The following CEP112 variants were observed in gnomAD, a reference collection of about 807,000 sequenced individuals.
The protein encoded by CEP112 is centrosomal protein 112, also known as centrosomal protein of 112 kDa.
CEP112 carries 127 observed loss-of-function variants against 153.0 expected under a neutral mutation model. That is an observed-to-expected ratio of 0.83 (90% confidence interval 0.72 to 0.96). The LOEUF (loss-of-function observed/expected upper bound fraction) is 0.96, where lower values mean the gene tolerates loss of function less well. Among genes scored for constraint, CEP112 ranks in the 40% least tolerant of loss-of-function variants. CEP112 has a pLI of 0.00. For synonymous variants in CEP112, 358 were observed against 374.4 expected, an observed-to-expected ratio of 0.96 and a Z score of 0.51; for missense variants, 1,089 against 1,101.2, an observed-to-expected ratio of 0.99 and a Z score of 0.16.
At chr17:66,108,321 G>A (rs2068872068) in intron 6 of CEP112, among the ~76,000 whole-genome samples, 6 of 152,034 alleles carry the variant, frequency 3.9e-5, no homozygotes, top group Admixed American at 3.3e-4. Flanking sequence ...ATGTCAAAAA[G>A]CTTCTGCACA....
At chr17:65,802,100 T>C (rs1169292885) in intron 21 of CEP112, among the ~76,000 whole-genome samples, 1 of 152,196 alleles carries the variant, frequency 6.6e-6, no homozygotes, top group Non-Finnish European at 1.5e-5. Flanking sequence ...CTGTGTTCTT[T>C]GTCATGTGTG....
chr17:65,644,579 G>A, intron 24 of CEP112: 1 of 163,532 alleles, frequency 6.1e-6, no homozygotes, highest in Non-Finnish European at 1.3e-5. Context: ...GGAGCTCATG[G>A]GCAAAGACGT....
At chr17:66,031,783 GC>G (rs1282710081) in intron 12 of CEP112, among the ~76,000 whole-genome samples, 1 of 152,042 alleles carries the variant, frequency 6.6e-6, no homozygotes, top group Non-Finnish European at 1.5e-5. Context: ...TAGTAGGAAA[GC>G]ACTTGAGAAC....
At chr17:66,055,299 G>A (rs2066635472) in intron 11 of CEP112, among the ~76,000 whole-genome samples, 1 of 152,192 alleles carries the variant, frequency 6.6e-6, no homozygotes, top group Non-Finnish European at 1.5e-5. Context: ...TAGCCATACA[G>A]AAGACTCCTG....
At chr17:65,774,192 C>T (rs188741901) in intron 21 of CEP112, among the ~76,000 whole-genome samples, 1 of 152,174 alleles carries the variant, frequency 6.6e-6, no homozygotes, top group Admixed American at 6.5e-5. Flanking sequence ...TATCTCCCTG[C>T]TTCCCTCACC....
At chr17:65,824,441 T>C (rs970750059) in intron 21 of CEP112, among the ~76,000 whole-genome samples, 1 of 152,090 alleles carries the variant, frequency 6.6e-6, no homozygotes, top group Non-Finnish European at 1.5e-5. Context: ...TCTGGAGAAA[T>C]GTTTGAGGTG....
intron 18 of CEP112, among the ~76,000 whole-genome samples, chr17:65,937,608 G>A (rs1290288374): frequency 2.9e-5 from 3 of 103,924 alleles, no homozygotes; most frequent in African/African-American, 3.3e-5. Flanking sequence ...CCCCGTCCGG[G>A]AGGGAGGTGG....
At chr17:66,012,452 G>A (rs2064574525) in intron 16 of CEP112, among the ~76,000 whole-genome samples, 1 of 152,160 alleles carries the variant, frequency 6.6e-6, no homozygotes, top group Non-Finnish European at 1.5e-5. Flanking sequence ...GCATTTGCTT[G>A]TCTGAAAAGG....
chr17:65,776,890 A>C (rs1031566877), intron 21 of CEP112, among the ~76,000 whole-genome samples: 2 of 152,212 alleles, frequency 1.3e-5, no homozygotes, highest in African/African-American at 4.8e-5. Context: ...AAGTATTTCA[A>C]TTAATACAAT....
intron 21 of CEP112, among the ~76,000 whole-genome samples, chr17:65,773,673 G>C (rs758568423): frequency 2.6e-5 from 4 of 151,886 alleles, no homozygotes; most frequent in Non-Finnish European, 5.9e-5. Flanking sequence ...GTGATTTTTC[G>C]GTGCAATGTT....
chr17:65,860,418 T>C (rs1266655397), intron 20 of CEP112, among the ~76,000 whole-genome samples: 1 of 152,146 alleles, frequency 6.6e-6, no homozygotes, highest in Non-Finnish European at 1.5e-5. Flanking sequence ...AAGGTGGATC[T>C]AAAATGTACA....
At chr17:66,038,132 A>AAAGAAAAGAC (rs1486164534) in intron 12 of CEP112, among the ~76,000 whole-genome samples, 2 of 151,328 alleles carry the variant, frequency 1.3e-5, no homozygotes, top group African/African-American at 4.8e-5. Flanking sequence ...AAAGAAAAGA[A>AAAGAAAAGAC]AAAAGAAGAT....
At chr17:66,173,935 C>A (rs1026616875) in intron 4 of CEP112, among the ~76,000 whole-genome samples, 1 of 151,834 alleles carries the variant, frequency 6.6e-6, no homozygotes, top group East Asian at 1.9e-4. Context: ...TTATCTTTTT[C>A]TTTTCTTTTT....
At chr17:66,167,393 C>T (rs117588405) in intron 4 of CEP112, among the ~76,000 whole-genome samples, 5,167 of 151,582 alleles carry the variant, frequency 0.034, 129 homozygotes, top group Middle Eastern at 0.061. Context: ...GTCCTTACAA[C>T]TCCATTTGCA....
intron 20 of CEP112, among the ~76,000 whole-genome samples, chr17:65,857,257 A>G (rs1020619549): frequency 6.6e-6 from 1 of 152,250 alleles, no homozygotes; most frequent in Non-Finnish European, 1.5e-5. Context: ...CTAAAGCAAA[A>G]CAAAACAGAA....
At chr17:66,138,962 G>A (rs1198008377) in intron 4 of CEP112, among the ~76,000 whole-genome samples, 1 of 151,884 alleles carries the variant, frequency 6.6e-6, no homozygotes, top group Non-Finnish European at 1.5e-5. Flanking sequence ...ATACCAAAAT[G>A]TGTAGGATTC....
chr17:65,657,172 T>C (rs1240201116), intron 24 of CEP112, among the ~76,000 whole-genome samples: 1 of 152,220 alleles, frequency 6.6e-6, no homozygotes, highest in Non-Finnish European at 1.5e-5. Context: ...AGACTTTTTA[T>C]ATATGGTTGA....
intron 6 of CEP112, among the ~76,000 whole-genome samples, chr17:66,100,976 T>C (rs1403222270): frequency 6.6e-6 from 1 of 152,132 alleles, no homozygotes; most frequent in African/African-American, 2.4e-5. Context: ...TTTTGGTATC[T>C]GTGGGAAGGA....
At chr17:65,960,902 A>G (rs1028123335) in intron 18 of CEP112, among the ~76,000 whole-genome samples, 9 of 152,264 alleles carry the variant, frequency 5.9e-5, no homozygotes, top group African/African-American at 1.9e-4. Context: ...TGAATTTTTT[A>G]GTTTATATAA....
Sources: gnomAD v4.1 joint callset for allele counts (sites outside exome capture counted in the v4.1 genomes callset) on GRCh38, gnomAD v4.1.1 for gene constraint, MANE v1.5 for transcripts, NCBI Gene and HGNC (gene_info 2026-07-23, HGNC 2026-07-21) for gene names.